Variants in LDHA observed in about 807,000 individuals in gnomAD.
LDHA encodes the protein lactate dehydrogenase A.
In LDHA, 10 loss-of-function variants were observed where a neutral mutation model predicts 36.3. That is an observed-to-expected ratio of 0.28 (90% confidence interval 0.17 to 0.47). The LOEUF is 0.47. Ranked by LOEUF, LDHA falls within the 20% of genes least tolerant of loss-of-function variation. LDHA has a pLI of 0.99. For synonymous variants in LDHA, 110 were observed against 136.7 expected (o/e 0.80, Z 1.36); for missense variants, 267 against 405.8 (o/e 0.66, Z 2.94).
chr11:18,403,432 A>G (rs1029845884), intron 5 of LDHA, among the ~76,000 whole-genome samples: 1 of 152,222 alleles, frequency 6.6e-6, no homozygotes, highest in South Asian at 2.1e-4. Context: ...TTCTCATACT[A>G]TCTTTATATT....
chr11:18,399,373 CT>C, intron 2 of LDHA, 57 bp from the exon 3 acceptor site: 1 of 1,196,608 alleles, frequency 8.4e-7, no homozygotes, highest in Non-Finnish European at 1.2e-6. Flanking sequence ...TTTTCATGCT[CT>C]TCTAAAAATC....
rs768761936 is a variant in LDHA, at chr11:18,402,897, T to C, written c.476T>C (p.Ile159Thr). ...AGTGGTTTTCCCAAAAACCGTGTTA[T>C]TGGAAGCGGTTGCAATCTGGATTCA... ...KISGFPKNRV[I>T]GSGCNLDSAR... Residue 159 changes from isoleucine to threonine, a missense_variant, in exon 5 of 8, where the codon ATT becomes ACT. By Grantham distance (89) the Ile-to-Thr change is moderately conservative. Transcript: ENST00000422447. The C allele has an allele frequency of 1.2e-5, 19 of 1,611,996 alleles. No homozygotes were observed. The East Asian group carries it at 4.0e-4, about 34-fold the overall frequency.
intron 1 of LDHA, chr11:18,395,049 C>T: frequency 5.1e-6 from 1 of 197,714 alleles, no homozygotes; most frequent in South Asian, 7.1e-5. Flanking sequence ...TCAGCTTGTC[C>T]GGGGCGGGTT....
chr11:18,405,038 C>A (rs1206508597), intron 6 of LDHA, among the ~76,000 whole-genome samples: 2 of 152,090 alleles, frequency 1.3e-5, no homozygotes, highest in African/African-American at 4.8e-5. Context: ...CCTCTGTCCC[C>A]CTCACGCTCC....
Position 18,407,249 on chromosome 11 carries a change from C to T in LDHA, c.967C>T (p.Leu323Phe). Residue 323 changes from leucine (L) to phenylalanine (F), a missense_variant, in exon 8 of 8, where the codon CTT (leucine) becomes TTT (phenylalanine). By Grantham distance (22) the Leu-to-Phe change is conservative (BLOSUM62 0). Coordinates refer to ENST00000422447, the MANE Select transcript of LDHA (RefSeq NM_005566.4). Reference protein sequence around the residue: ...EARLKKSADTLWGIQKELQF With the variant: ...EARLKKSADTFWGIQKELQF ...CCGTTTGAAGAAGAGTGCAGATACA[C>T]TTTGGGGGATCCAAAAGGAGCTGCA... 1 of 1,613,928 alleles carries T rather than the reference C, an allele frequency of 6.2e-7. No homozygotes were observed. Among genetic ancestry groups the T allele is most frequent in the Non-Finnish European group, 8.5e-7 (1 of 1,179,890 alleles).
At chr11:18,394,786 T>G in intron 1 of LDHA, 150 bp downstream of exon 1, 1 of 388,626 alleles carries the variant, frequency 2.6e-6, no homozygotes, top group South Asian at 1.8e-5. Flanking sequence ...CAGAGACGTC[T>G]GGGCGGCGGC....
chr11:18,404,460 T>C (rs938321710), intron 6 of LDHA, among the ~76,000 whole-genome samples: 3 of 151,880 alleles, frequency 2.0e-5, no homozygotes, highest in African/African-American at 7.3e-5. Flanking sequence ...GCTTTCAACT[T>C]GGTGGCATTA....
intron 1 of LDHA, chr11:18,396,310 A>C: frequency 2.6e-6 from 1 of 387,364 alleles, no homozygotes; most frequent in Non-Finnish European, 4.6e-6. Flanking sequence ...CCCAGCAATT[A>C]GTCTGATTTC....
At position 18,396,825 on chromosome 11, in the gene LDHA, T is replaced by G; in HGVS notation, c.-18T>G. ...AATGTTTTTCCTCCTATAGATTCCT[T>G]TTGGTTCCAAGTCCAATATGGCAAC... is the stretch of plus-strand genomic sequence containing the variant. On this transcript the variant is annotated 5_prime_UTR_variant, in exon 2 of 8. Coordinates refer to ENST00000422447, the MANE Select transcript of LDHA (RefSeq NM_005566.4). The G allele has an allele frequency of 6.2e-7, 1 of 1,606,768 alleles. No individual in the cohort carries two copies. The highest frequency in any genetic ancestry group is 1.7e-4 in the Middle Eastern group (1 of 6,032).
chr11:18,404,324 G>A (rs1324786638), intron 6 of LDHA, among the ~76,000 whole-genome samples: 1 of 151,970 alleles, frequency 6.6e-6, no homozygotes, highest in African/African-American at 2.4e-5. Context: ...CAGGAGGATC[G>A]CATGAGCCTG....
intron 3 of LDHA, chr11:18,400,432 CACACACACACACACACACACACACACA>C: frequency 1.9e-3 from 4 of 2,120 alleles, no homozygotes; most frequent in Non-Finnish European, 2.8e-3. Context: ...ACCACCACCA[CACACACACACACACACACACACACACA>C]CACACACACA....
intron 2 of LDHA, among the ~76,000 whole-genome samples, chr11:18,397,762 G>A (rs1866350656): frequency 6.6e-6 from 1 of 152,000 alleles, no homozygotes; most frequent in South Asian, 2.1e-4. Flanking sequence ...AGTGACCCGA[G>A]ATAGCACCAC....
At position 18,407,421 on chromosome 11, in the gene LDHA, A is replaced by C; in HGVS notation, c.*140A>C. On this transcript the variant is annotated 3_prime_UTR_variant, in exon 8 of 8. Coordinates refer to ENST00000422447, the MANE Select transcript of LDHA (RefSeq NM_005566.4). ...GGACTGGGAAAAACATCAACTCCTG[A>C]AGTTAGAAATAAGAATGGTTTGTAA... The C allele has an allele frequency of 6.6e-7, 1 of 1,519,474 alleles. No individual in the cohort carries two copies. Among genetic ancestry groups the C allele is most frequent in the Non-Finnish European group, 9.0e-7 (1 of 1,115,088 alleles). The allele number at this position is 1,519,474 out of a possible 1,614,324, so 94.1% of individuals were successfully genotyped here. A position where few individuals can be genotyped will look rare whatever the true frequency, so the allele number is the denominator to read the frequency against.
rs554613809 is a variant in LDHA at position 18,401,295 on chromosome 11, G to T, written c.418+285G>T. On this transcript the variant is annotated intron_variant, in intron 4 of 7. Transcript: ENST00000422447. ...CTCTCAAGTAGCTGGGATTATAAGC[G>T]CCTGCCACCACACATGGCTAATTTT... is the stretch of plus-strand genomic sequence containing the variant. Among the ~76,000 whole-genome samples, 3 of 149,802 alleles carry T rather than the reference G, an allele frequency of 2.0e-5. No homozygotes were observed. In the South Asian group the frequency reaches 6.3e-4, roughly 31 times the overall value.
At position 18,401,017 on chromosome 11, in the gene LDHA, C is replaced by CT. The variant is rs762580567; in HGVS notation, c.418+11dup. The CT allele has an allele frequency of 1.9e-6, 3 of 1,605,966 alleles. No homozygotes were observed. The highest frequency in any genetic ancestry group is 2.6e-6 in the Non-Finnish European group (3 of 1,173,980). ...CTTATTGTTTCAAATCCAGGTGAGGCTTTTGACTGCATAAAAATTGACAAG... is the reference window on the plus strand; with the variant it reads ...CTTATTGTTTCAAATCCAGGTGAGGCTTTTTGACTGCATAAAAATTGACAAG... On this transcript the variant is annotated splice_region_variant and intron_variant, in intron 4 of 7. Transcript: ENST00000422447.
At chr11:18,403,632 G>A (rs1435788561) in intron 5 of LDHA, 62 bp from the exon 6 acceptor site, 1 of 1,059,682 alleles carries the variant, frequency 9.4e-7, no homozygotes, top group Non-Finnish European at 1.5e-6. Context: ...TTAGGAAAAT[G>A]AATCACAATT....
In LDHA at chr11:18,407,535, C is replaced by A; in HGVS notation, c.*254C>A. Reference sequence around the variant, plus strand: ...TGAAATAGTTCTGCCACCTCTGACGCACCACTGCCAATGCTGTACGTACTG... The same window carrying A: ...TGAAATAGTTCTGCCACCTCTGACGAACCACTGCCAATGCTGTACGTACTG... On this transcript the variant is annotated 3_prime_UTR_variant, in exon 8 of 8. Transcript: ENST00000422447. 1.3e-6 allele frequency: 1 copy of A among 750,974 alleles called. No individual in the cohort carries two copies. Among genetic ancestry groups the A allele is most frequent in the Non-Finnish European group, 2.3e-6 (1 of 430,536 alleles). The allele number at this position is 750,974 out of a possible 1,614,324, so 46.5% of individuals were successfully genotyped here.
intron 5 of LDHA, 36 bp from the exon 6 acceptor site, chr11:18,403,658 C>A: frequency 8.3e-7 from 1 of 1,199,210 alleles, no homozygotes; most frequent in Non-Finnish European, 1.2e-6. Flanking sequence ...TCTGTTGGTA[C>A]ATGAAAATAA....
intron 2 of LDHA, chr11:18,399,206 G>C (rs1026654725): frequency 2.4e-5 from 12 of 502,506 alleles, no homozygotes; most frequent in Non-Finnish European, 4.3e-5. Context: ...TATAGAGCTC[G>C]CTTCAGTGGG....
Sources: allele counts gnomAD v4.1 joint callset (sites outside exome capture counted in the v4.1 genomes callset), GRCh38; gene constraint gnomAD v4.1.1; transcripts MANE v1.5; gene names NCBI Gene and HGNC (gene_info 2026-07-23, HGNC 2026-07-21).